Variants in ESRRB observed in about 807,000 individuals in gnomAD.
The protein encoded by ESRRB is steroid hormone receptor ERR2.
A neutral mutation model predicts 46.0 loss-of-function variants in ESRRB; 16 were observed. That is an observed-to-expected ratio of 0.35 (90% CI 0.24 to 0.53). The LOEUF (loss-of-function observed/expected upper bound fraction) is 0.53, where lower values mean the gene tolerates loss of function less well. ESRRB is among the 20% of genes least tolerant of loss of function. The pLI, the probability that ESRRB is intolerant of heterozygous loss-of-function variation, is 0.93. For missense variants in ESRRB, 488 were observed against 607.4 expected (o/e 0.80, Z 2.07); for synonymous variants, 246 against 259.6 (o/e 0.95, Z 0.50).
At chr14:76,447,455 G>A (rs1296830488) in intron 2 of ESRRB, among the ~76,000 whole-genome samples, 1 of 152,040 alleles carries the variant, frequency 6.6e-6, no homozygotes, top group Non-Finnish European at 1.5e-5. Flanking sequence ...CATGGCTTCA[G>A]TTGTCTCTGA....
At chr14:76,396,432 T>C (rs1041279969) in intron 1 of ESRRB, among the ~76,000 whole-genome samples, 1 of 152,168 alleles carries the variant, frequency 6.6e-6, no homozygotes, top group Non-Finnish European at 1.5e-5. Flanking sequence ...AGAATCCTGG[T>C]ATTGGGAGAG....
At chr14:76,373,389 G>T (rs1482539802), upstream of ESRRB, among the ~76,000 whole-genome samples, 1 of 152,128 alleles carries the variant, frequency 6.6e-6, no homozygotes, top group East Asian at 1.9e-4. Flanking sequence ...CTTTGGCAAG[G>T]TCACATGGAG....
Position 76,499,571 on chromosome 14 carries a change from C to A in ESRRB, c.*1113C>A. On this transcript the variant is annotated 3_prime_UTR_variant, in exon 7 of 7. Transcript: ENST00000644823. ...CTGCACTCAGCATCATGCCACAGGG[C>A]TAGTGTACCAGTGCCACAGGAGGGG... is the stretch of plus-strand genomic sequence containing the variant. The A allele has an allele frequency of 2.0e-6, 1 of 497,178 alleles. No individual in the cohort carries two copies. 30.8% of individuals were successfully genotyped at this position (497,178 alleles called of 1,614,324 possible).
upstream of ESRRB, among the ~76,000 whole-genome samples, chr14:76,368,963 G>A (rs1046486975): frequency 2.0e-5 from 3 of 152,182 alleles, no homozygotes; most frequent in East Asian, 2.0e-4. Context: ...CTGGGAGGCC[G>A]AGGTGGGTGG....
intron 1 of ESRRB, among the ~76,000 whole-genome samples, chr14:76,324,705 A>G (rs1437978816): frequency 6.6e-6 from 1 of 152,198 alleles, no homozygotes; most frequent in Admixed American, 6.5e-5. Context: ...TGGGCTCAGC[A>G]AAGGCAGAGG....
At chr14:76,358,328 AAAGAAAGAAAGAAAG>A (rs1566859612) in intron 1 of ESRRB, among the ~76,000 whole-genome samples, 1,288 of 38,308 alleles carry the variant, frequency 0.034, 195 homozygotes, top group Middle Eastern at 0.1. Flanking sequence ...AAAAAAAAAG[AAAGAAAGAAAGAAAG>A]AAAGAAAGAA....
intron 1 of ESRRB, chr14:76,404,301 A>G (rs989954660): frequency 6.6e-5 from 10 of 151,532 alleles, no homozygotes; most frequent in Admixed American, 4.6e-4. Flanking sequence ...CCACACATAA[A>G]TGTATTCCTG....
intron 1 of ESRRB, among the ~76,000 whole-genome samples, chr14:76,411,408 A>T (rs1190838594): frequency 1.3e-5 from 2 of 152,064 alleles, no homozygotes; most frequent in Non-Finnish European, 2.9e-5. Context: ...AGATTGCGCC[A>T]CCGAACTCCA....
At chr14:76,361,453 A>G (rs1884463273) in intron 1 of ESRRB, among the ~76,000 whole-genome samples, 1 of 152,144 alleles carries the variant, frequency 6.6e-6, no homozygotes, top group South Asian at 2.1e-4. Flanking sequence ...TAGTGTTTGG[A>G]TTGTTACATA....
chr14:76,418,757 G>A lies in ESRRB; in HGVS notation c.51-20584G>A, dbSNP rs1235594965. On this transcript the variant is annotated intron_variant, in intron 1 of 6. Coordinates refer to ENST00000644823, the MANE Select transcript of ESRRB (RefSeq NM_001379180.1). ...CAGCCTCCCTAGTAGCTAGGATTAC[G>A]GGTGCCTGCCACCATGCCTGGCTAA... 4.6e-5 allele frequency among the ~76,000 whole-genome samples: 7 copies of A among 152,064 alleles called. No homozygotes were observed. In the East Asian group the frequency reaches 5.8e-4, roughly 13 times the overall value.
intron 1 of ESRRB, among the ~76,000 whole-genome samples, chr14:76,401,228 G>A (rs1885930159): frequency 6.6e-6 from 1 of 152,174 alleles, no homozygotes; most frequent in South Asian, 2.1e-4. Flanking sequence ...CCCCCACGCT[G>A]GCTGGTCTTT....
intron 1 of ESRRB, among the ~76,000 whole-genome samples, chr14:76,333,616 C>G (rs554751133): frequency 4.0e-4 from 60 of 149,956 alleles, no homozygotes; most frequent in African/African-American, 1.4e-3. Context: ...GCATGAGCCA[C>G]TGTACTAGGC....
intron 5 of ESRRB, among the ~76,000 whole-genome samples, chr14:76,487,108 G>A (rs566503354): frequency 8.5e-5 from 13 of 152,254 alleles, no homozygotes; most frequent in Middle Eastern, 3.4e-3. Context: ...GTGTGGGTGG[G>A]GGTTGTGTAT....
chr14:76,338,785 A>G (rs1385043856), intron 1 of ESRRB, among the ~76,000 whole-genome samples: 1 of 152,148 alleles, frequency 6.6e-6, no homozygotes, highest in Non-Finnish European at 1.5e-5. Flanking sequence ...GTCTCTACTA[A>G]AAACACACAA....
rs768250131 is a variant in ESRRB, at chr14:76,499,863, G to A, written c.*1405G>A. 3 of 1,613,964 alleles carry A rather than the reference G, an allele frequency of 1.9e-6. No homozygotes were observed. Among genetic ancestry groups the A allele is most frequent in the African/African-American group, 2.7e-5 (2 of 74,932 alleles). ...CCTGAACACCCATTTGTGCTCACAG[G>A]TTGGCCAAGAGCAGCTTAGAGGATC... On this transcript the variant is annotated 3_prime_UTR_variant, in exon 7 of 7. Coordinates refer to ENST00000644823, the MANE Select transcript of ESRRB (RefSeq NM_001379180.1).
chr14:76,479,681 A>T (rs1314600819), intron 3 of ESRRB, among the ~76,000 whole-genome samples: 1 of 152,144 alleles, frequency 6.6e-6, no homozygotes, highest in African/African-American at 2.4e-5. Flanking sequence ...TGCTGGTCTG[A>T]TCAGTCCTCA....
At chr14:76,394,249 CT>C (rs35206648) in intron 1 of ESRRB, among the ~76,000 whole-genome samples, 35,544 of 151,968 alleles carry the variant, frequency 0.23, 4,281 homozygotes, top group East Asian at 0.42. Context: ...CCCCATCCTT[CT>C]TTCTTTCTAG....
At chr14:76,360,114 G>A (rs1006798611) in intron 1 of ESRRB, among the ~76,000 whole-genome samples, 2 of 152,100 alleles carry the variant, frequency 1.3e-5, no homozygotes, top group African/African-American at 2.4e-5. Context: ...CCTGTGCCAG[G>A]GACTTCTCTT....
intron 1 of ESRRB, among the ~76,000 whole-genome samples, chr14:76,352,847 C>T (rs1427630938): frequency 6.6e-6 from 1 of 152,230 alleles, no homozygotes; most frequent in African/African-American, 2.4e-5. Context: ...CCCCTCTTTC[C>T]CTCCGCCCCC....
Sources: allele counts gnomAD v4.1 joint callset (sites outside exome capture counted in the v4.1 genomes callset), GRCh38; gene constraint gnomAD v4.1.1; transcripts MANE v1.5; gene names NCBI Gene and HGNC (gene_info 2026-07-23, HGNC 2026-07-21).